The following SLC24A3 variants were observed in gnomAD, a reference collection of about 807,000 sequenced individuals.
SLC24A3 encodes the protein sodium/potassium/calcium exchanger 3.
SLC24A3 carries 28 observed loss-of-function variants against 75.8 expected under a neutral mutation model. The ratio of observed to expected loss-of-function variants is 0.37; its 90% CI spans 0.27 to 0.51. The LOEUF (loss-of-function observed/expected upper bound fraction) is 0.51, where lower values mean the gene tolerates loss of function less well. SLC24A3 is among the 20% of genes least tolerant of loss of function. The pLI, the probability that SLC24A3 is intolerant of heterozygous loss-of-function variation, is 0.94. For synonymous variants in SLC24A3, 372 were observed against 334.1 expected, an observed-to-expected ratio of 1.11 and a Z score of -1.24; for missense variants, 663 against 847.8, an observed-to-expected ratio of 0.78 and a Z score of 2.71.
At chr20:19,426,528 G>A (rs1468709520) in intron 2 of SLC24A3, among the ~76,000 whole-genome samples, 4 of 152,164 alleles carry the variant, frequency 2.6e-5, no homozygotes, top group Non-Finnish European at 5.9e-5. Flanking sequence ...TGTTTATCTA[G>A]CCAGTGTCCT....
chr20:19,217,864 C>G (rs1374808073), intron 1 of SLC24A3, among the ~76,000 whole-genome samples: 1 of 152,192 alleles, frequency 6.6e-6, no homozygotes, highest in Non-Finnish European at 1.5e-5. Context: ...CTACCTGGCT[C>G]GAGATCTTCC....
At chr20:19,693,620 G>GTGGATTCAT (rs2032772520) in intron 13 of SLC24A3, 195 bp downstream of exon 13, 1 of 621,400 alleles carries the variant, frequency 1.6e-6, no homozygotes, top group Admixed American at 3.3e-5. Context: ...CATGTTGACT[G>GTGGATTCAT]TGGATTCATT....
intron 6 of SLC24A3, among the ~76,000 whole-genome samples, chr20:19,614,333 C>T (rs2031708191): frequency 6.6e-6 from 1 of 152,190 alleles, no homozygotes; most frequent in African/African-American, 2.4e-5. Flanking sequence ...CTTAGAATGG[C>T]ACCAGCTATA....
intron 2 of SLC24A3, among the ~76,000 whole-genome samples, chr20:19,394,020 T>C (rs555010096): frequency 3.3e-4 from 50 of 152,290 alleles, no homozygotes; most frequent in African/African-American, 1.1e-3. Context: ...CATAGATCAA[T>C]GGAATAGAAT....
chr20:19,536,266 C>T (rs1241103554), intron 3 of SLC24A3, among the ~76,000 whole-genome samples: 1 of 152,158 alleles, frequency 6.6e-6, no homozygotes, highest in African/African-American at 2.4e-5. Flanking sequence ...TATTTGTAGT[C>T]ATACACAGTA....
chr20:19,442,814 T>C (rs1332008417), intron 2 of SLC24A3, among the ~76,000 whole-genome samples: 1 of 152,222 alleles, frequency 6.6e-6, no homozygotes, highest in African/African-American at 2.4e-5. Flanking sequence ...TTCCAGAGGT[T>C]TTACAGTTTT....
At chr20:19,235,525 T>A (rs185783226) in intron 1 of SLC24A3, among the ~76,000 whole-genome samples, 1 of 152,344 alleles carries the variant, frequency 6.6e-6, no homozygotes, top group East Asian at 1.9e-4. Context: ...CAGAGCAGCG[T>A]CTGGGAAGCT....
chr20:19,226,439 T>C (rs182562610), intron 1 of SLC24A3, among the ~76,000 whole-genome samples: 79 of 152,278 alleles, frequency 5.2e-4, no homozygotes, highest in East Asian at 1.2e-3. Flanking sequence ...CATAAAATGA[T>C]TTAGGAGATG....
At chr20:19,263,469 C>G (rs1983061067) in intron 1 of SLC24A3, among the ~76,000 whole-genome samples, 1 of 152,218 alleles carries the variant, frequency 6.6e-6, no homozygotes, top group Non-Finnish European at 1.5e-5. Context: ...AATGCCTAAT[C>G]AATTAGAAAT....
intron 2 of SLC24A3, among the ~76,000 whole-genome samples, chr20:19,297,747 ATACT>A (rs1984095007): frequency 6.6e-6 from 1 of 152,226 alleles, no homozygotes; most frequent in Admixed American, 6.5e-5. Flanking sequence ...TTTTTCTTAG[ATACT>A]TACTTAGGTA....
At chr20:19,593,664 G>T (rs2031412304) in intron 6 of SLC24A3, among the ~76,000 whole-genome samples, 1 of 152,160 alleles carries the variant, frequency 6.6e-6, no homozygotes, top group Admixed American at 6.5e-5. Context: ...AAACAACACA[G>T]GCAAAGCAGG....
intron 1 of SLC24A3, among the ~76,000 whole-genome samples, chr20:19,268,286 T>C (rs1349774130): frequency 6.6e-6 from 1 of 152,198 alleles, no homozygotes; most frequent in African/African-American, 2.4e-5. Context: ...TGAATTCATA[T>C]TTTAAATATT....
At chr20:19,665,556 A>G (rs2032388549) in intron 7 of SLC24A3, among the ~76,000 whole-genome samples, 1 of 152,194 alleles carries the variant, frequency 6.6e-6, no homozygotes, top group Admixed American at 6.5e-5. Flanking sequence ...CAGGTTAGTC[A>G]CACTTCCCTG....
intron 2 of SLC24A3, among the ~76,000 whole-genome samples, chr20:19,314,855 T>G (rs948218131): frequency 1.7e-4 from 26 of 152,228 alleles, no homozygotes; most frequent in African/African-American, 4.8e-4. Flanking sequence ...AGTTACCGAC[T>G]GTGGGCAGGA....
intron 2 of SLC24A3, among the ~76,000 whole-genome samples, chr20:19,303,753 TG>T (rs1214350274): frequency 2.6e-5 from 4 of 152,216 alleles, no homozygotes; most frequent in Non-Finnish European, 5.9e-5. Context: ...TCACCTCGTG[TG>T]TTCCAAGGAT....
intron 2 of SLC24A3, among the ~76,000 whole-genome samples, chr20:19,510,460 C>T (rs750200863): frequency 1.2e-4 from 19 of 152,184 alleles, no homozygotes; most frequent in Non-Finnish European, 1.9e-4. Flanking sequence ...TACCTTGCGT[C>T]TCCTCTTCAG....
intron 3 of SLC24A3, among the ~76,000 whole-genome samples, chr20:19,556,191 G>A (rs1047675719): frequency 1.2e-4 from 19 of 152,042 alleles, no homozygotes; most frequent in South Asian, 4.2e-4. Context: ...TGTTGATTAG[G>A]TTTCAACATA....
At chr20:19,479,104 A>G (rs1988008473) in intron 2 of SLC24A3, among the ~76,000 whole-genome samples, 1 of 152,240 alleles carries the variant, frequency 6.6e-6, no homozygotes, top group South Asian at 2.1e-4. Flanking sequence ...TGCCATGCTC[A>G]GTGACTGACT....
At chr20:19,695,171 TC>T (rs2032789445) in intron 13 of SLC24A3, among the ~76,000 whole-genome samples, 1 of 152,058 alleles carries the variant, frequency 6.6e-6, no homozygotes, top group African/African-American at 2.4e-5. Context: ...TTCACTCACA[TC>T]CCCCCAATCT....
Sources: gnomAD v4.1 joint callset for allele counts (sites outside exome capture counted in the v4.1 genomes callset) on GRCh38, gnomAD v4.1.1 for gene constraint, MANE v1.5 for transcripts, NCBI Gene and HGNC (gene_info 2026-07-23, HGNC 2026-07-21) for gene names.